Variants in UBE2E2 observed in about 807,000 individuals in gnomAD.
UBE2E2 encodes the protein ubiquitin-conjugating enzyme E2 E2.
In UBE2E2, 6 loss-of-function variants were observed where a neutral mutation model predicts 24.7. That is an observed-to-expected ratio of 0.24 (90% CI 0.13 to 0.48). UBE2E2 has a LOEUF of 0.48. UBE2E2 is among the 20% of genes least tolerant of loss of function. UBE2E2 has a pLI of 0.99. For synonymous variants in UBE2E2, 104 were observed against 83.6 expected (o/e 1.24, Z -1.33); for missense variants, 169 against 245.0 (o/e 0.69, Z 2.07).
chr3:23,363,735 C>A (rs1309679769), intron 3 of UBE2E2, among the ~76,000 whole-genome samples: 1 of 152,056 alleles, frequency 6.6e-6, no homozygotes, highest in African/African-American at 2.4e-5. Flanking sequence ...ATTAGAAGAT[C>A]ATGGGGCAGA....
At chr3:23,328,306 A>G (rs1414209236) in intron 3 of UBE2E2, among the ~76,000 whole-genome samples, 2 of 152,200 alleles carry the variant, frequency 1.3e-5, no homozygotes, top group Non-Finnish European at 2.9e-5. Flanking sequence ...CTGACTTACA[A>G]TGGTTAGATT....
intron 3 of UBE2E2, among the ~76,000 whole-genome samples, chr3:23,336,196 G>A (rs1162368892): frequency 1.3e-5 from 2 of 152,132 alleles, no homozygotes; most frequent in Non-Finnish European, 2.9e-5. Flanking sequence ...CAGGTTTCCT[G>A]AGATGCAAGG....
At position 23,381,870 on chromosome 3, in the gene UBE2E2, G is replaced by C. The variant is rs114070358; in HGVS notation, c.228-117738G>C. Among the ~76,000 whole-genome samples the C allele has an allele frequency of 7.7e-3, 1,173 of 152,290 alleles. 12 individuals are homozygous for C. The highest frequency in any genetic ancestry group is 0.027 in the African/African-American group (1,117 of 41,556). ...ATGCTGTTTCCCAGTGTTTGAGGCTGCTTTGCCCCGGAGAGTGGAGAAGGA... is the reference window on the plus strand; with the variant it reads ...ATGCTGTTTCCCAGTGTTTGAGGCTCCTTTGCCCCGGAGAGTGGAGAAGGA... On this transcript the variant is annotated intron_variant, in intron 3 of 5. Coordinates refer to ENST00000396703, the MANE Select transcript of UBE2E2 (RefSeq NM_152653.4).
At chr3:23,277,474 A>G (rs1253768019) in intron 3 of UBE2E2, among the ~76,000 whole-genome samples, 1 of 152,126 alleles carries the variant, frequency 6.6e-6, no homozygotes, top group African/African-American at 2.4e-5. Flanking sequence ...TAGACTATCT[A>G]ACTCTAAGAA....
At chr3:23,417,606 T>G (rs1199105094) in intron 3 of UBE2E2, among the ~76,000 whole-genome samples, 1 of 152,218 alleles carries the variant, frequency 6.6e-6, no homozygotes, top group African/African-American at 2.4e-5. Flanking sequence ...CACTGCTCTC[T>G]GCAGAGCCGG....
At chr3:23,408,776 T>A (rs1697429075) in intron 3 of UBE2E2, among the ~76,000 whole-genome samples, 1 of 152,174 alleles carries the variant, frequency 6.6e-6, no homozygotes, top group Non-Finnish European at 1.5e-5. Flanking sequence ...AGTTTAATTT[T>A]TGTTTCTTTT....
At chr3:23,559,970 G>A (rs1695882113) in intron 5 of UBE2E2, among the ~76,000 whole-genome samples, 1 of 152,006 alleles carries the variant, frequency 6.6e-6, no homozygotes, top group African/African-American at 2.4e-5. Context: ...AGGCCAAGAG[G>A]CTGTTCAGTA....
chr3:23,508,921 T>C (rs1694519813), intron 4 of UBE2E2, among the ~76,000 whole-genome samples: 1 of 152,120 alleles, frequency 6.6e-6, no homozygotes, highest in Admixed American at 6.6e-5. Flanking sequence ...TCAGAAAAGG[T>C]TCAACTCACT....
intron 3 of UBE2E2, among the ~76,000 whole-genome samples, chr3:23,442,331 T>A (rs1698326186): frequency 6.6e-6 from 1 of 151,804 alleles, no homozygotes; most frequent in Admixed American, 6.6e-5. Flanking sequence ...TACTGATGGG[T>A]ATATAGCATT....
intron 3 of UBE2E2, among the ~76,000 whole-genome samples, chr3:23,344,656 C>T (rs1309843205): frequency 6.6e-5 from 10 of 151,524 alleles, no homozygotes. Context: ...GAGATTGAAA[C>T]TAGCCTGGGC....
rs796075955 is a variant in UBE2E2 at position 23,255,259 on chromosome 3, GT to G, written c.227+37961del. 1.5e-3 allele frequency among the ~76,000 whole-genome samples: 206 copies of G among 135,740 alleles called. 3 individuals are homozygous for G. The East Asian group carries it at 0.018, about 12-fold the overall frequency. 89.1% of individuals were successfully genotyped at this position (135,740 alleles called of 152,430 possible). A position where few individuals can be genotyped will look rare whatever the true frequency, so the allele number is the denominator to read the frequency against. On this transcript the variant is annotated intron_variant, in intron 3 of 5. Coordinates refer to ENST00000396703, the MANE Select transcript of UBE2E2 (RefSeq NM_152653.4). ...CCACTGTGCCCCGCTAATTTTTGTA[GT>G]TTTTTTTTTTTTTGGTAACGATAGG...
chr3:23,447,076 G>T (rs189346032), intron 3 of UBE2E2, among the ~76,000 whole-genome samples: 49 of 152,270 alleles, frequency 3.2e-4, no homozygotes, highest in African/African-American at 1.1e-3. Flanking sequence ...GACTAGGTCA[G>T]ATCAGCCATA....
intron 3 of UBE2E2, among the ~76,000 whole-genome samples, chr3:23,312,571 C>A (rs1694440471): frequency 6.6e-6 from 1 of 152,034 alleles, no homozygotes; most frequent in South Asian, 2.1e-4. Context: ...TTCTCTCTCC[C>A]TGAGTTCAGT....
At chr3:23,296,026 C>A (rs1698898300) in intron 3 of UBE2E2, among the ~76,000 whole-genome samples, 1 of 152,146 alleles carries the variant, frequency 6.6e-6, no homozygotes, top group Admixed American at 6.5e-5. Flanking sequence ...GCTCTCATAG[C>A]TTCAAACATT....
chr3:23,396,795 G>A (rs1697090283), intron 3 of UBE2E2, among the ~76,000 whole-genome samples: 1 of 152,084 alleles, frequency 6.6e-6, no homozygotes, highest in African/African-American at 2.4e-5. Context: ...CTCAATAAAT[G>A]TTGTTATTCT....
At chr3:23,292,004 G>T (rs531811644) in intron 3 of UBE2E2, among the ~76,000 whole-genome samples, 2 of 151,634 alleles carry the variant, frequency 1.3e-5, no homozygotes, top group Non-Finnish European at 2.9e-5. Context: ...GACTACAGGC[G>T]CCCGCCACCG....
chr3:23,264,542 T>C (rs1285759706), intron 3 of UBE2E2, among the ~76,000 whole-genome samples: 1 of 152,176 alleles, frequency 6.6e-6, no homozygotes, highest in Non-Finnish European at 1.5e-5. Context: ...TTAATGGGAC[T>C]GCCTCTTTTG....
At chr3:23,357,702 A>G (rs531993079) in intron 3 of UBE2E2, among the ~76,000 whole-genome samples, 24 of 152,312 alleles carry the variant, frequency 1.6e-4, no homozygotes, top group African/African-American at 5.5e-4. Context: ...AAAGAAATAC[A>G]GAAAGCTTAG....
chr3:23,487,497 G>A (rs879557768), intron 3 of UBE2E2, among the ~76,000 whole-genome samples: 5 of 152,178 alleles, frequency 3.3e-5, no homozygotes, highest in African/African-American at 9.7e-5. Context: ...ACTGTGGCCA[G>A]TGTCTCCACA....
Sources: allele counts gnomAD v4.1 joint callset (sites outside exome capture counted in the v4.1 genomes callset), GRCh38; gene constraint gnomAD v4.1.1; transcripts MANE v1.5; gene names NCBI Gene and HGNC (gene_info 2026-07-23, HGNC 2026-07-21).